The following NFX1 variants were observed in gnomAD, a reference collection of about 807,000 sequenced individuals.
NFX1 encodes the protein nuclear transcription factor, X-box binding 1.
NFX1 carries 69 observed loss-of-function variants against 137.2 expected under a neutral mutation model. The observed-to-expected ratio is 0.50, with a 90% CI of 0.41 to 0.61. The LOEUF is 0.61. NFX1 is among the 20% of genes least tolerant of loss of function. The pLI is 0.00. For synonymous variants in NFX1, 495 were observed against 474.1 expected, an observed-to-expected ratio of 1.04 and a Z score of -0.57; for missense variants, 1,167 against 1,391.0, an observed-to-expected ratio of 0.84 and a Z score of 2.56.
At chr9:33,293,155 G>T (rs1821223194) in intron 1 of NFX1, among the ~76,000 whole-genome samples, 1 of 152,246 alleles carries the variant, frequency 6.6e-6, no homozygotes, top group Non-Finnish European at 1.5e-5. Context: ...CACAAACTGA[G>T]TTGGAACCCC....
At chr9:33,300,621 G>A (rs1012018053) in intron 2 of NFX1, among the ~76,000 whole-genome samples, 1 of 152,122 alleles carries the variant, frequency 6.6e-6, no homozygotes, top group Admixed American at 6.5e-5. Context: ...TCTGGAAGTG[G>A]GTGAAGGTAT....
rs1821130170 is a variant in NFX1, at chr9:33,290,811, G to A, written c.25+214G>A. ...TGAAGCCCAGTAGCTGGGTTTCGGAGGAGAGAGGACTTGTCCCGGCGCTGC... is the reference window on the plus strand; with the variant it reads ...TGAAGCCCAGTAGCTGGGTTTCGGAAGAGAGAGGACTTGTCCCGGCGCTGC... On this transcript the variant is annotated intron_variant, in intron 1 of 23. Coordinates refer to ENST00000379540, the MANE Select transcript of NFX1 (RefSeq NM_002504.6). Among the ~76,000 whole-genome samples the A allele has an allele frequency of 2.0e-5, 3 of 152,230 alleles. No individual in the cohort carries two copies. The South Asian group carries it at 6.2e-4, about 31-fold the overall frequency.
At chr9:33,345,203 G>A (rs1383875008) in intron 14 of NFX1, among the ~76,000 whole-genome samples, 2 of 149,450 alleles carry the variant, frequency 1.3e-5, no homozygotes, top group African/African-American at 4.9e-5. Flanking sequence ...AAGGCCGGGT[G>A]CAGTGACTCA....
intron 15 of NFX1, among the ~76,000 whole-genome samples, chr9:33,351,256 G>A (rs564037157): frequency 3.2e-4 from 49 of 152,050 alleles, no homozygotes; most frequent in Admixed American, 9.8e-4. Context: ...TCAAGAGTTC[G>A]AGACCAGCCT....
intron 12 of NFX1, among the ~76,000 whole-genome samples, chr9:33,339,038 T>G (rs903805710): frequency 6.6e-6 from 1 of 152,158 alleles, no homozygotes; most frequent in Non-Finnish European, 1.5e-5. Context: ...AATATTTATT[T>G]AAAATATTTG....
At chr9:33,351,450 C>T in intron 15 of NFX1, 110 bp from the exon 16 acceptor site, 2 of 1,096,402 alleles carry the variant, frequency 1.8e-6, no homozygotes, top group Non-Finnish European at 2.7e-6. Flanking sequence ...TATCCGAAAA[C>T]AAAACAAAAC....
intron 12 of NFX1, among the ~76,000 whole-genome samples, chr9:33,340,956 G>C (rs1300476178): frequency 2.6e-5 from 4 of 152,132 alleles, no homozygotes; most frequent in Admixed American, 2.6e-4. Context: ...AAGTCTCTAG[G>C]AAGTTCCAAA....
chr9:33,303,003 A>G (rs1182090381), intron 3 of NFX1, among the ~76,000 whole-genome samples, 188 bp from the exon 4 acceptor site: 2 of 141,072 alleles, frequency 1.4e-5, no homozygotes, highest in Non-Finnish European at 3.1e-5. Flanking sequence ...CCCCATATTT[A>G]GTGGAAAATG....
At chr9:33,360,644 C>T (rs1823959148) in intron 19 of NFX1, among the ~76,000 whole-genome samples, 1 of 151,946 alleles carries the variant, frequency 6.6e-6, no homozygotes, top group African/African-American at 2.4e-5. Context: ...CACGCATACA[C>T]CTGTGTGTAT....
chr9:33,354,872 T>A lies in NFX1; in HGVS notation c.2853T>A (p.Cys951Ter). The A allele has an allele frequency of 6.2e-7, 1 of 1,614,050 alleles. No homozygotes were observed. The highest frequency in any genetic ancestry group is 1.3e-5 in the African/African-American group (1 of 75,028). ...HQARLECDEE[C>*]SALERKKRLA... ...CAAGGCTGGAGTGTGATGAGGAGTG[T>A]TCAGCCTTGGAAAGGAAAAAGTAAG... The change falls in exon 19 of 24, where the codon TGT becomes TGA. Residue 951 changes from cysteine (C) to a stop codon, truncating the protein, a stop_gained. Transcript: ENST00000379540. LOFTEE classifies it high-confidence loss of function.
At chr9:33,369,873 G>C (rs993334485) in intron 23 of NFX1, 33 bp from the exon 24 acceptor site, 1 of 1,534,838 alleles carries the variant, frequency 6.5e-7, no homozygotes, top group Non-Finnish European at 9.0e-7. Flanking sequence ...CCCCAAAGAA[G>C]AAAAGACTGA....
intron 6 of NFX1, among the ~76,000 whole-genome samples, chr9:33,313,194 A>G (rs1822025889): frequency 6.6e-6 from 1 of 152,196 alleles, no homozygotes; most frequent in Non-Finnish European, 1.5e-5. Context: ...CAGAGATGAA[A>G]TCACATAAAG....
At position 33,318,025 on chromosome 9, in the gene NFX1, G is replaced by A. The variant is rs973000237; in HGVS notation, c.1589-706G>A. On this transcript the variant is annotated intron_variant, in intron 7 of 23. Transcript: ENST00000379540. ...AATCTTCATTATAGTGAAACCTTTTGGTTCTGTTTAATGTACGATTTTATT... is the reference window on the plus strand; with the variant it reads ...AATCTTCATTATAGTGAAACCTTTTAGTTCTGTTTAATGTACGATTTTATT... Among the ~76,000 whole-genome samples, 6 of 142,854 alleles carry A rather than the reference G, an allele frequency of 4.2e-5. No individual in the cohort carries two copies. The South Asian group carries it at 1.1e-3, about 27-fold the overall frequency. 93.7% of individuals were successfully genotyped at this position (142,854 alleles called of 152,430 possible).
chr9:33,326,218 G>A (rs891049276), intron 9 of NFX1, among the ~76,000 whole-genome samples: 2 of 152,054 alleles, frequency 1.3e-5, no homozygotes, highest in Non-Finnish European at 2.9e-5. Flanking sequence ...TTTGAGACCA[G>A]CCTGACCAAC....
At chr9:33,319,427 A>G (rs948204989) in intron 9 of NFX1, among the ~76,000 whole-genome samples, 4 of 152,178 alleles carry the variant, frequency 2.6e-5, no homozygotes, top group African/African-American at 7.2e-5. Context: ...AATGAACACT[A>G]TATGTATTTA....
chr9:33,294,754 A>G lies in NFX1; in HGVS notation c.360A>G (p.Lys120=), dbSNP rs754326928. Residue 120 remains lysine (K), a synonymous_variant, in exon 2 of 24, where the codon AAA becomes AAG. Coordinates refer to ENST00000379540, the MANE Select transcript of NFX1 (RefSeq NM_002504.6). ...AGAAGCACCATATCAGAGTCAAGAAAGCACAGAGTCTTGCTGAGCAGACCT... is the reference window on the plus strand; with the variant it reads ...AGAAGCACCATATCAGAGTCAAGAAGGCACAGAGTCTTGCTGAGCAGACCT... ...RNEKHHIRVK[K]AQSLAEQTSD... 3.7e-6 allele frequency: 6 copies of G among 1,614,122 alleles called. No individual in the cohort carries two copies. The highest frequency in any genetic ancestry group is 2.2e-5 in the East Asian group (1 of 44,888).
intron 5 of NFX1, 66 bp downstream of exon 5, chr9:33,307,365 A>G (rs918310200): frequency 3.8e-6 from 5 of 1,331,250 alleles, no homozygotes; most frequent in Non-Finnish European, 5.4e-6. Context: ...CTCTAAGTAA[A>G]CATACCTGGT....
intron 7 of NFX1, among the ~76,000 whole-genome samples, chr9:33,316,491 A>C (rs1322920169): frequency 6.6e-6 from 1 of 151,850 alleles, no homozygotes; most frequent in African/African-American, 2.4e-5. Context: ...TTTTGTACAA[A>C]TTTCTGTGGA....
At chr9:33,311,305 TTTC>T in intron 6 of NFX1, 128 bp downstream of exon 6, 1 of 848,784 alleles carries the variant, frequency 1.2e-6, no homozygotes, top group Non-Finnish European at 1.9e-6. Flanking sequence ...ACTTTTTTTT[TTTC>T]AGGAGTGAAA....
Sources: allele counts gnomAD v4.1 joint callset (sites outside exome capture counted in the v4.1 genomes callset), GRCh38; gene constraint gnomAD v4.1.1; transcripts MANE v1.5; gene names NCBI Gene and HGNC (gene_info 2026-07-23, HGNC 2026-07-21).